The following TRMT9B variants were observed in gnomAD, a reference collection of about 807,000 sequenced individuals.
The protein encoded by TRMT9B is tRNA methyltransferase 9B (putative), also known as probable tRNA methyltransferase 9B.
TRMT9B carries 16 observed loss-of-function variants against 11.5 expected under a neutral mutation model. That is an observed-to-expected ratio of 1.39 (90% CI 0.94 to 2.11). The LOEUF is 2.11. TRMT9B is among the 30% of genes most tolerant of loss of function. TRMT9B has a pLI of 0.00. For synonymous variants in TRMT9B, 274 were observed against 192.4 expected (o/e 1.42, Z -3.51); for missense variants, 941 against 553.8 (o/e 1.70, Z -7.02).
chr8:12,983,482 C>T (rs759701798), intron 1 of TRMT9B, among the ~76,000 whole-genome samples: 18 of 152,076 alleles, frequency 1.2e-4, no homozygotes, highest in Non-Finnish European at 2.2e-4. Context: ...CCAGCCTGAC[C>T]AACACGGTGA....
intron 2 of TRMT9B, among the ~76,000 whole-genome samples, chr8:13,001,384 T>C (rs777583119): frequency 1.3e-5 from 2 of 152,210 alleles, no homozygotes; most frequent in Non-Finnish European, 2.9e-5. Flanking sequence ...GGATCGACAG[T>C]GATGAGCAAC....
rs540603923 is a variant in TRMT9B, at chr8:12,958,536, C to T, written c.-200+12570C>T. 106 of 162,248 alleles carry T rather than the reference C, an allele frequency of 6.5e-4. 1 individual carries two copies. Among genetic ancestry groups the T allele is most frequent in the African/African-American group, 2.4e-3 (100 of 41,626 alleles). 10.1% of individuals were successfully genotyped at this position (162,248 alleles called of 1,614,324 possible). On this transcript the variant is annotated intron_variant, in intron 1 of 4. Coordinates refer to ENST00000524591, the MANE Select transcript of TRMT9B (RefSeq NM_020844.3). ...AGAAACTACCTGCTGAAAAAAGCAC[C>T]CAAGATCTTAAATTTCATCTCCATA...
At chr8:13,012,297 C>G in intron 3 of TRMT9B, 2 of 971,458 alleles carry the variant, frequency 2.1e-6, no homozygotes, top group Non-Finnish European at 2.4e-6. Context: ...AAAAAGTTGG[C>G]CAGGCACAGT....
chr8:12,970,783 A>T (rs1331652221), intron 1 of TRMT9B, among the ~76,000 whole-genome samples: 1 of 152,152 alleles, frequency 6.6e-6, no homozygotes, highest in Admixed American at 6.5e-5. Context: ...CCTGTCACTC[A>T]CTTCATGTCT....
chr8:12,952,741 G>GTT (rs146209847), intron 1 of TRMT9B: 22 of 940,100 alleles, frequency 2.3e-5, no homozygotes, highest in Non-Finnish European at 2.7e-5. Flanking sequence ...TATGTGTGGG[G>GTT]TTTTTTTTGT....
intron 2 of TRMT9B, among the ~76,000 whole-genome samples, chr8:12,992,082 A>G (rs1409280667): frequency 6.6e-6 from 1 of 152,342 alleles, no homozygotes; most frequent in Non-Finnish European, 1.5e-5. Flanking sequence ...ACCAGCTTGT[A>G]CAGAGTAAAG....
In TRMT9B at chr8:13,022,217, C is replaced by T. The variant is rs931400765; in HGVS notation, c.*173C>T. On this transcript the variant is annotated 3_prime_UTR_variant, in exon 5 of 5. Coordinates refer to ENST00000524591, the MANE Select transcript of TRMT9B (RefSeq NM_020844.3). ...TTTCATTTTTGAATAAGCACAGATT[C>T]TGGCATTGAAAGCACTTGACAAAGG... 5.8e-4 allele frequency: 318 copies of T among 548,752 alleles called. 2 individuals carry two copies. The highest frequency in any genetic ancestry group is 2.9e-3 in the Middle Eastern group (6 of 2,088). The allele number at this position is 548,752 out of a possible 1,614,324, so 34.0% of individuals were successfully genotyped here.
chr8:12,986,712 G>T (rs1806375053), intron 1 of TRMT9B, among the ~76,000 whole-genome samples: 1 of 152,080 alleles, frequency 6.6e-6, no homozygotes, highest in Non-Finnish European at 1.5e-5. Context: ...GTGGTACATT[G>T]TACTGTATCA....
chr8:12,981,464 G>A (rs540407127), intron 1 of TRMT9B, among the ~76,000 whole-genome samples: 2 of 152,104 alleles, frequency 1.3e-5, no homozygotes, highest in Non-Finnish European at 2.9e-5. Flanking sequence ...TGACACAGAG[G>A]GTGACTTTTA....
At chr8:13,003,559 G>C (rs1488494202) in intron 2 of TRMT9B, among the ~76,000 whole-genome samples, 1 of 152,082 alleles carries the variant, frequency 6.6e-6, no homozygotes, top group Non-Finnish European at 1.5e-5. Context: ...GTGGGTCATT[G>C]GGTATTATGG....
intron 1 of TRMT9B, among the ~76,000 whole-genome samples, chr8:12,961,432 T>G (rs1414158159): frequency 1.3e-5 from 2 of 151,964 alleles, no homozygotes; most frequent in African/African-American, 4.8e-5. Flanking sequence ...CCGGGCGCGG[T>G]GGCTCACGCC....
intron 1 of TRMT9B, among the ~76,000 whole-genome samples, chr8:12,971,324 C>G (rs1585140777): frequency 1.3e-5 from 2 of 152,016 alleles, no homozygotes. Flanking sequence ...CCCAGAGAAG[C>G]TAAATATTTT....
chr8:12,973,984 A>C (rs1326379245), intron 1 of TRMT9B, among the ~76,000 whole-genome samples: 1 of 152,040 alleles, frequency 6.6e-6, no homozygotes, highest in Non-Finnish European at 1.5e-5. Context: ...TTATAGTGAG[A>C]TGTCATCTCC....
At chr8:12,969,244 C>T (rs1305536687) in intron 1 of TRMT9B, among the ~76,000 whole-genome samples, 5 of 152,080 alleles carry the variant, frequency 3.3e-5, no homozygotes, top group African/African-American at 1.2e-4. Flanking sequence ...CTGAAAGGCC[C>T]ACCGTCTCTT....
chr8:12,991,569 A>G (rs1157686472), intron 2 of TRMT9B, among the ~76,000 whole-genome samples: 1 of 152,164 alleles, frequency 6.6e-6, no homozygotes, highest in African/African-American at 2.4e-5. Flanking sequence ...ATAATAGGAG[A>G]GCCATTTCCA....
In TRMT9B at chr8:13,022,130, GTTAT is replaced by G. The variant is rs1415169131; in HGVS notation, c.*89_*92del. 1.1e-5 allele frequency: 11 copies of G among 963,806 alleles called. No homozygotes were observed. Among genetic ancestry groups the G allele is most frequent in the African/African-American group, 1.6e-5 (1 of 60,878 alleles). The allele number at this position is 963,806 out of a possible 1,614,324, so 59.7% of individuals were successfully genotyped here. On this transcript the variant is annotated 3_prime_UTR_variant, in exon 5 of 5. Coordinates refer to ENST00000524591, the MANE Select transcript of TRMT9B (RefSeq NM_020844.3). The stretch of plus-strand genomic sequence containing the variant: ...ATGGTTACCTGAATTTGCATTCAGT[GTTAT>G]TTGTTAATCCATTTACGCTTTGGTC...
chr8:12,978,912 T>C (rs1027484535), intron 1 of TRMT9B, among the ~76,000 whole-genome samples: 5 of 152,240 alleles, frequency 3.3e-5, no homozygotes, highest in African/African-American at 4.8e-5. Context: ...CTGCAGAATC[T>C]GTATGCGTGG....
rs530487264 is a variant in TRMT9B at position 13,012,460 on chromosome 8, A to C, written c.155-224A>C. 1.8e-4 allele frequency: 95 copies of C among 523,452 alleles called. 1 individual carries two copies. In the South Asian group the frequency reaches 3.1e-3, roughly 17 times the overall value. The allele number at this position is 523,452 out of a possible 1,614,324, so 32.4% of individuals were successfully genotyped here. A position where few individuals can be genotyped will look rare whatever the true frequency, so the allele number is the denominator to read the frequency against. ...CATGGTGGCACGCGCCTATGATCCC[A>C]CCTACTCGGGAGGCTAAGGCAAGAG... On this transcript the variant is annotated intron_variant, in intron 3 of 4. Transcript: ENST00000524591.
chr8:13,013,686 C>A (rs62486879), intron 4 of TRMT9B, among the ~76,000 whole-genome samples: 1 of 152,214 alleles, frequency 6.6e-6, no homozygotes, highest in Non-Finnish European at 1.5e-5. Context: ...GGTGCAGCGG[C>A]TCATGCCTGT....
Sources: allele counts gnomAD v4.1 joint callset (sites outside exome capture counted in the v4.1 genomes callset), GRCh38; gene constraint gnomAD v4.1.1; transcripts MANE v1.5; gene names NCBI Gene and HGNC (gene_info 2026-07-23, HGNC 2026-07-21).